The following SPON1 variants were observed in gnomAD, a reference collection of about 807,000 sequenced individuals.
SPON1 encodes the protein spondin-1.
SPON1 carries 52 observed loss-of-function variants against 111.7 expected under a neutral mutation model. The observed-to-expected ratio is 0.47, with a 90% CI of 0.37 to 0.59. The LOEUF (loss-of-function observed/expected upper bound fraction) is 0.59, where lower values mean the gene tolerates loss of function less well. Ranked by LOEUF, SPON1 falls within the 20% of genes least tolerant of loss-of-function variation. The pLI is 0.00. For missense variants in SPON1, 957 were observed against 1,068.5 expected, an observed-to-expected ratio of 0.90 and a Z score of 1.46; for synonymous variants, 410 against 395.8, an observed-to-expected ratio of 1.04 and a Z score of -0.43.
intron 6 of SPON1, among the ~76,000 whole-genome samples, chr11:14,187,850 A>C (rs1424445470): frequency 1.3e-5 from 2 of 151,154 alleles, no homozygotes; most frequent in African/African-American, 4.9e-5. Flanking sequence ...GCGCAATCTC[A>C]GCTCACCACA....
intron 6 of SPON1, among the ~76,000 whole-genome samples, chr11:14,214,842 G>A (rs782647197): frequency 1.3e-5 from 2 of 152,210 alleles, no homozygotes; most frequent in Non-Finnish European, 2.9e-5. Context: ...CCCTGTGAGA[G>A]AGGATGAAGG....
At chr11:14,173,996 C>G (rs1392232001) in intron 6 of SPON1, among the ~76,000 whole-genome samples, 2 of 152,160 alleles carry the variant, frequency 1.3e-5, no homozygotes, top group African/African-American at 4.8e-5. Context: ...TTGCCAGTTT[C>G]TTAATTGGAT....
In SPON1 at chr11:13,982,942, G is replaced by A; in HGVS notation, c.334G>A (p.Gly112Arg). Residue 112 changes from glycine (G) to arginine (R), a missense_variant, in exon 2 of 16, where the codon GGG (glycine) becomes AGG (arginine). Coordinates refer to ENST00000576479, the MANE Select transcript of SPON1 (RefSeq NM_006108.4). ...GGGTGATAAGGAAGAAGACCATGCTGGGACCTTCCAGGTAAGACCCTGCCT... is the reference window on the plus strand; with the variant it reads ...GGGTGATAAGGAAGAAGACCATGCTAGGACCTTCCAGGTAAGACCCTGCCT... ...REGDKEEDHA[G>R]TFQIIDEEET... 1.3e-6 allele frequency: 2 copies of A among 1,552,586 alleles called. No homozygotes were observed.
chr11:14,119,309 G>A (rs1278900588), intron 5 of SPON1, among the ~76,000 whole-genome samples: 1 of 151,932 alleles, frequency 6.6e-6, no homozygotes, highest in African/African-American at 2.4e-5. Flanking sequence ...GAGGAGGAAG[G>A]GTCAAGGTAA....
chr11:14,023,156 G>A (rs1021812121), intron 2 of SPON1, among the ~76,000 whole-genome samples: 4 of 152,136 alleles, frequency 2.6e-5, no homozygotes, highest in Admixed American at 1.3e-4. Flanking sequence ...GATTAGGTGG[G>A]GAATTGCAAG....
At chr11:14,192,941 G>GCA (rs1440788121) in intron 6 of SPON1, among the ~76,000 whole-genome samples, 4 of 152,170 alleles carry the variant, frequency 2.6e-5, no homozygotes, top group African/African-American at 9.7e-5. Flanking sequence ...TAGAGTGCAG[G>GCA]CATCCAAACT....
At chr11:13,968,532 G>A (rs1379015581) in intron 1 of SPON1, among the ~76,000 whole-genome samples, 2 of 152,166 alleles carry the variant, frequency 1.3e-5, no homozygotes, top group Non-Finnish European at 2.9e-5. Context: ...AATTATAATT[G>A]TATAAAGTAA....
Position 14,265,798 on chromosome 11 carries a change from A to C in SPON1, c.*111A>C. On this transcript the variant is annotated 3_prime_UTR_variant, in exon 16 of 16. Transcript: ENST00000576479. ...TGTGTACGCTAGTTTTCATTTTTGCAGTGTGGTTCGCCCAGTAGTCTTGTG... is the reference window on the plus strand; with the variant it reads ...TGTGTACGCTAGTTTTCATTTTTGCCGTGTGGTTCGCCCAGTAGTCTTGTG... 1 of 1,287,738 alleles carries C rather than the reference A, an allele frequency of 7.8e-7. No homozygotes were observed. The highest frequency in any genetic ancestry group is 1.1e-6 in the Non-Finnish European group (1 of 938,376). The allele number at this position is 1,287,738 out of a possible 1,614,324, so 79.8% of individuals were successfully genotyped here.
intron 6 of SPON1, among the ~76,000 whole-genome samples, chr11:14,227,032 T>A (rs1174244631): frequency 6.6e-6 from 1 of 152,100 alleles, no homozygotes; most frequent in African/African-American, 2.4e-5. Context: ...AATCTCCCCA[T>A]CTCAAGATCA....
intron 5 of SPON1, among the ~76,000 whole-genome samples, chr11:14,089,956 A>G (rs1340629215): frequency 6.6e-6 from 1 of 152,010 alleles, no homozygotes; most frequent in Non-Finnish European, 1.5e-5. Flanking sequence ...GTCGGGGAAA[A>G]CTGCTTACTC....
At chr11:14,032,359 TG>T (rs1848565310) in intron 2 of SPON1, among the ~76,000 whole-genome samples, 1 of 152,236 alleles carries the variant, frequency 6.6e-6, no homozygotes, top group Non-Finnish European at 1.5e-5. Context: ...AACAAATATC[TG>T]TATGGAGTAA....
intron 6 of SPON1, among the ~76,000 whole-genome samples, chr11:14,151,417 G>C (rs367951746): frequency 4.6e-5 from 7 of 152,168 alleles, no homozygotes; most frequent in African/African-American, 1.7e-4. Context: ...ATTACAAGTA[G>C]ACCTAAAGTA....
chr11:14,128,245 G>A (rs1279481744), intron 5 of SPON1, among the ~76,000 whole-genome samples: 1 of 152,186 alleles, frequency 6.6e-6, no homozygotes, highest in African/African-American at 2.4e-5. Context: ...AGTCCCTTCT[G>A]CCTATAAGCC....
intron 2 of SPON1, among the ~76,000 whole-genome samples, chr11:13,996,670 C>G (rs901686712): frequency 2.2e-4 from 34 of 151,642 alleles, no homozygotes; most frequent in Admixed American, 2.2e-3. Context: ...GGGTATATTT[C>G]CTTCCAGGTT....
intron 6 of SPON1, among the ~76,000 whole-genome samples, chr11:14,200,814 TAAAAAAAAAAAAAAAAA>T (rs572814576): frequency 1.1e-4 from 9 of 79,348 alleles, no homozygotes; most frequent in African/African-American, 4.0e-4. Flanking sequence ...GACCCTGTCT[TAAAAAAAAAAAAAAAAA>T]AAAAAAAAAA....
intron 6 of SPON1, among the ~76,000 whole-genome samples, chr11:14,196,811 A>G (rs1848407725): frequency 6.6e-6 from 1 of 152,154 alleles, no homozygotes; most frequent in South Asian, 2.1e-4. Context: ...GCCCTTTGGG[A>G]GGCTGAGGTG....
intron 6 of SPON1, among the ~76,000 whole-genome samples, chr11:14,171,844 G>A (rs1554932522): frequency 1.3e-5 from 2 of 152,204 alleles, no homozygotes; most frequent in African/African-American, 4.8e-5. Context: ...GGATTGCACT[G>A]TGGTCTGAGA....
At chr11:13,967,222 A>C (rs1242048239) in intron 1 of SPON1, among the ~76,000 whole-genome samples, 1 of 152,250 alleles carries the variant, frequency 6.6e-6, no homozygotes, top group Non-Finnish European at 1.5e-5. Flanking sequence ...CAATGAAATT[A>C]GTTGGGAATA....
chr11:13,984,335 T>G (rs1848165952), intron 2 of SPON1, among the ~76,000 whole-genome samples: 1 of 152,174 alleles, frequency 6.6e-6, no homozygotes, highest in Non-Finnish European at 1.5e-5. Flanking sequence ...TTTGTGTTTC[T>G]CTAACAAAAC....
Sources: allele counts gnomAD v4.1 joint callset (sites outside exome capture counted in the v4.1 genomes callset), GRCh38; gene constraint gnomAD v4.1.1; transcripts MANE v1.5; gene names NCBI Gene and HGNC (gene_info 2026-07-23, HGNC 2026-07-21).